Variants in UACA observed in about 807,000 individuals in gnomAD.
UACA encodes the protein nuclear membrane binding protein.
A neutral mutation model predicts 160.5 loss-of-function variants in UACA; 112 were observed. The observed-to-expected ratio is 0.70, with a 90% confidence interval of 0.60 to 0.82. UACA has a LOEUF of 0.82. UACA is among the 40% of genes least tolerant of loss of function. The probability of loss-of-function intolerance (pLI) is 0.00; values close to 1 mark genes in which losing one functional copy is unlikely to be tolerated. For synonymous variants in UACA, 557 were observed against 568.4 expected (o/e 0.98, Z 0.29); for missense variants, 1,574 against 1,614.6 (o/e 0.97, Z 0.43).
chr15:70,748,659 T>A (rs1197620470), intron 1 of UACA, among the ~76,000 whole-genome samples: 1 of 152,024 alleles, frequency 6.6e-6, no homozygotes, highest in Non-Finnish European at 1.5e-5. Context: ...CCCCTCCCTT[T>A]CCCTGTTCAT....
intron 1 of UACA, among the ~76,000 whole-genome samples, chr15:70,737,023 C>T (rs1004067394): frequency 1.3e-5 from 2 of 152,058 alleles, no homozygotes; most frequent in Non-Finnish European, 2.9e-5. Flanking sequence ...GAGGGTGTCT[C>T]GTATCCATCC....
intron 8 of UACA, among the ~76,000 whole-genome samples, chr15:70,683,066 T>G (rs1320796809): frequency 1.3e-5 from 2 of 151,896 alleles, no homozygotes; most frequent in Non-Finnish European, 2.9e-5. Flanking sequence ...AAATGGGAAA[T>G]TTATTTAGGC....
chr15:70,767,263 ACAAAAACAAAAACAAC>A (rs2031036693), upstream of UACA, among the ~76,000 whole-genome samples: 1 of 136,728 alleles, frequency 7.3e-6, no homozygotes, highest in African/African-American at 3.1e-5. Context: ...AAAACAAAAA[ACAAAAACAAAAACAAC>A]AACAATAAAA....
intron 1 of UACA, among the ~76,000 whole-genome samples, chr15:70,752,949 C>T (rs888026031): frequency 3.9e-5 from 6 of 152,104 alleles, no homozygotes; most frequent in East Asian, 1.9e-4. Context: ...GGCTTTTATA[C>T]GACAAGTTAC....
chr15:70,757,050 T>C (rs2030472538), intron 1 of UACA, among the ~76,000 whole-genome samples: 1 of 152,212 alleles, frequency 6.6e-6, no homozygotes, highest in Non-Finnish European at 1.5e-5. Flanking sequence ...CTAAATAAAG[T>C]CCATCACGGC....
At chr15:70,743,868 T>C (rs1347564617) in intron 1 of UACA, among the ~76,000 whole-genome samples, 3 of 152,092 alleles carry the variant, frequency 2.0e-5, no homozygotes, top group African/African-American at 7.2e-5. Context: ...CAGTTTCATT[T>C]TAAGTATAAA....
At chr15:70,738,986 T>C (rs1474227872) in intron 1 of UACA, among the ~76,000 whole-genome samples, 4 of 152,200 alleles carry the variant, frequency 2.6e-5, no homozygotes, top group African/African-American at 7.2e-5. Context: ...CTTTTTGAGA[T>C]GCAGGTTCAA....
intron 17 of UACA, among the ~76,000 whole-genome samples, chr15:70,662,253 C>G (rs1227759210): frequency 2.0e-5 from 3 of 152,262 alleles, no homozygotes; most frequent in African/African-American, 7.2e-5. Flanking sequence ...AGTGAACTCC[C>G]ATTCACGATT....
intron 17 of UACA, chr15:70,660,428 G>A (rs1019253028): frequency 1.8e-5 from 9 of 512,510 alleles, no homozygotes; most frequent in Non-Finnish European, 2.8e-5. Context: ...TGACAGTAAT[G>A]CTACTTTCCC....
In UACA at chr15:70,655,459, C is replaced by G. The variant is rs146273253; in HGVS notation, c.*1597G>C. 6.6e-6 allele frequency: 1 copy of G among 152,066 alleles called. No homozygotes were observed. Among genetic ancestry groups the G allele is most frequent in the Non-Finnish European group, 1.5e-5 (1 of 68,016 alleles). The allele number at this position is 152,066 out of a possible 1,614,324, so 9.4% of individuals were successfully genotyped here. ...GTAAGGCTGGTCTCGAACTTCTGAC[C>G]TCAGGTGATCTACCTCCCTCAGCCT... On this transcript the variant is annotated 3_prime_UTR_variant, in exon 19 of 19. Transcript: ENST00000322954.
At position 70,667,352 on chromosome 15, in the gene UACA, T is replaced by C. The variant is rs753122092; in HGVS notation, c.3332A>G (p.His1111Arg). The change falls in exon 16 of 19, where the codon CAT (histidine) becomes CGT (arginine). Residue 1111 changes from histidine to arginine, a missense_variant. His to Arg is a conservative substitution (Grantham distance 29, BLOSUM62 0). Transcript: ENST00000322954. The stretch of plus-strand genomic sequence containing the variant: ...AGCCTCAACCTGTTCCAATGGAACA[T>C]GTTGTTTTTGCAAAAGATTTTGCAC... The part of the protein sequence containing the change: ...LAVQNLLQKQ[H>R]VPLEQVEALK... The C allele has an allele frequency of 1.9e-6, 3 of 1,612,562 alleles. No individual in the cohort carries two copies. Among genetic ancestry groups the C allele is most frequent in the South Asian group, 1.1e-5 (1 of 90,388 alleles).
chr15:70,754,132 G>A (rs916134407), intron 1 of UACA: 1 of 455,948 alleles, frequency 2.2e-6, no homozygotes, highest in Middle Eastern at 3.3e-4. Context: ...CAATGAACAT[G>A]TATGACTTTT....
At position 70,668,923 on chromosome 15, in the gene UACA, T is replaced by G; in HGVS notation, c.1761A>C (p.Glu587Asp). The G allele has an allele frequency of 1.9e-6, 3 of 1,613,548 alleles. No individual in the cohort carries two copies. In the African/African-American group the frequency reaches 4.0e-5, roughly 22 times the overall value. Residue 587 changes from glutamate to aspartate, a missense_variant, in exon 16 of 19, where the codon GAA becomes GAC. Transcript: ENST00000322954. ...FKRDEGKLIE[E>D]NKRLQKELSM... Reference sequence around the variant, plus strand: ...TAAGTTCCTTCTGTAATCGCTTATTTTCTTCTATCAGCTTGCCTTCATCCC... The same window carrying G: ...TAAGTTCCTTCTGTAATCGCTTATTGTCTTCTATCAGCTTGCCTTCATCCC...
chr15:70,698,882 G>T (rs1898226945), intron 2 of UACA, among the ~76,000 whole-genome samples: 1 of 152,102 alleles, frequency 6.6e-6, no homozygotes, highest in East Asian at 1.9e-4. Context: ...GAAGATTTGA[G>T]ACGGGGAAGG....
At chr15:70,773,839 G>T in the UACA span, among the ~76,000 whole-genome samples, 2 of 152,224 alleles carry the variant, frequency 1.3e-5, no homozygotes, top group African/African-American at 4.8e-5. Flanking sequence ...CCTGATCTAT[G>T]AAATACCCAA....
At chr15:70,711,912 AT>A (rs1898691778) in intron 1 of UACA, among the ~76,000 whole-genome samples, 2 of 152,092 alleles carry the variant, frequency 1.3e-5, no homozygotes, top group Non-Finnish European at 1.5e-5. Context: ...ATCATCACAA[AT>A]TTAGGAAACG....
Position 70,679,589 on chromosome 15 carries a change from A to C in UACA, c.891+19T>G. 1 of 1,536,296 alleles carries C rather than the reference A, an allele frequency of 6.5e-7. No homozygotes were observed. The highest frequency in any genetic ancestry group is 8.9e-7 in the Non-Finnish European group (1 of 1,125,028). Reference sequence around the variant, plus strand: ...GGAATTGTTTTTAAAGGAAGACACCATTATTTTTTTCTTTTTACCTGAATA... The same window carrying C: ...GGAATTGTTTTTAAAGGAAGACACCCTTATTTTTTTCTTTTTACCTGAATA... On this transcript the variant is annotated intron_variant, in intron 10 of 18. Coordinates refer to ENST00000322954, the MANE Select transcript of UACA (RefSeq NM_018003.4).
At chr15:70,710,721 A>G (rs1480129448) in intron 1 of UACA, among the ~76,000 whole-genome samples, 1 of 152,222 alleles carries the variant, frequency 6.6e-6, no homozygotes, top group Non-Finnish European at 1.5e-5. Context: ...GATGTTACCA[A>G]GCTTGCAGAT....
intron 1 of UACA, among the ~76,000 whole-genome samples, chr15:70,720,525 A>G (rs1200669471): frequency 6.6e-6 from 1 of 152,124 alleles, no homozygotes; most frequent in Non-Finnish European, 1.5e-5. Context: ...TCTCTGTTCC[A>G]CTACTGGGAG....
Sources: allele counts gnomAD v4.1 joint callset (sites outside exome capture counted in the v4.1 genomes callset), GRCh38; gene constraint gnomAD v4.1.1; transcripts MANE v1.5; gene names NCBI Gene and HGNC (gene_info 2026-07-23, HGNC 2026-07-21).